The following ADAMTS12 variants were observed in gnomAD, a reference collection of about 807,000 sequenced individuals.
The protein encoded by ADAMTS12 is ADAM metallopeptidase with thrombospondin type 1 motif 12.
Under a neutral mutation model 167.8 loss-of-function variants are expected in ADAMTS12, and 118 were observed. The ratio of observed to expected loss-of-function variants is 0.70; its 90% CI spans 0.61 to 0.82. ADAMTS12 has a LOEUF of 0.82. Among genes scored for constraint, ADAMTS12 ranks in the 40% least tolerant of loss-of-function variants. ADAMTS12 has a pLI of 0.00. For synonymous variants in ADAMTS12, 704 were observed against 716.9 expected, an observed-to-expected ratio of 0.98 and a Z score of 0.29; for missense variants, 1,916 against 1,998.8, an observed-to-expected ratio of 0.96 and a Z score of 0.79.
In ADAMTS12 at chr5:33,549,381, G is replaced by A; in HGVS notation, c.4128C>T (p.Cys1376=). Reference sequence around the variant, plus strand: ...TGAAGCCCCCACTGCAGTTTCTGGAGCACTGTATGGAGAGAAAAATCAAAG... The same window carrying A: ...TGAAGCCCCCACTGCAGTTTCTGGAACACTGTATGGAGAGAAAAATCAAAG... ...AGWKVGNWSK[C]SRNCSGGFKI... is the part of the protein sequence containing the mutation. Residue 1376 remains cysteine, a splice_region_variant and synonymous_variant, in exon 21 of 24, where the codon TGC becomes TGT. Transcript: ENST00000504830. 1 of 1,612,040 alleles carries A rather than the reference G, an allele frequency of 6.2e-7. No homozygotes were observed. Among genetic ancestry groups the A allele is most frequent in the Non-Finnish European group, 8.5e-7 (1 of 1,178,270 alleles).
intron 3 of ADAMTS12, among the ~76,000 whole-genome samples, chr5:33,733,185 T>C (rs369300663): frequency 1.5e-5 from 2 of 133,984 alleles, no homozygotes; most frequent in Admixed American, 1.6e-4. Context: ...AAAAAAAATA[T>C]ATGGTTATTA....
At chr5:33,707,697 T>C (rs1424318965) in intron 3 of ADAMTS12, among the ~76,000 whole-genome samples, 1 of 151,990 alleles carries the variant, frequency 6.6e-6, no homozygotes, top group Non-Finnish European at 1.5e-5. Context: ...AAACAAGCAA[T>C]AGGGAAAGGA....
At chr5:33,717,163 A>T (rs372720319) in intron 3 of ADAMTS12, among the ~76,000 whole-genome samples, 2 of 151,030 alleles carry the variant, frequency 1.3e-5, no homozygotes, top group East Asian at 3.9e-4. Flanking sequence ...CACAGGAGAG[A>T]GGTGTGGGGC....
At chr5:33,737,171 C>T (rs997652224) in intron 3 of ADAMTS12, among the ~76,000 whole-genome samples, 1 of 152,146 alleles carries the variant, frequency 6.6e-6, no homozygotes, top group African/African-American at 2.4e-5. Flanking sequence ...CCATCTTTTA[C>T]AAAAGGGCAT....
Position 33,812,117 on chromosome 5 carries a change from T to C in ADAMTS12, c.490-60569A>G, listed in dbSNP as rs1747484768. On this transcript the variant is annotated intron_variant, in intron 2 of 23. Coordinates refer to ENST00000504830, the MANE Select transcript of ADAMTS12 (RefSeq NM_030955.4). ...CCTGGGCAATAAAGAAAGACCTCGT[T>C]TCTACAAATTAAAAAAACAAAAATA... 2.0e-5 allele frequency among the ~76,000 whole-genome samples: 3 copies of C among 152,046 alleles called. No homozygotes were observed. The South Asian group carries it at 6.2e-4, about 32-fold the overall frequency.
chr5:33,690,714 TTA>T (rs1186423175), intron 3 of ADAMTS12, among the ~76,000 whole-genome samples: 1 of 152,020 alleles, frequency 6.6e-6, no homozygotes. Context: ...CCATTGTTAT[TTA>T]TATGTTTATA....
At chr5:33,566,948 T>C (rs979557883) in intron 19 of ADAMTS12, among the ~76,000 whole-genome samples, 20 of 152,184 alleles carry the variant, frequency 1.3e-4, no homozygotes, top group Non-Finnish European at 2.6e-4. Context: ...GATGGGAAGA[T>C]GGTAGAGCCA....
chr5:33,830,568 C>T (rs1299381641), intron 2 of ADAMTS12, among the ~76,000 whole-genome samples: 3 of 152,076 alleles, frequency 2.0e-5, no homozygotes, highest in South Asian at 2.1e-4. Flanking sequence ...GCTGGAGGAT[C>T]GCTTGAGCTC....
chr5:33,704,187 G>T (rs1000381726), intron 3 of ADAMTS12, among the ~76,000 whole-genome samples: 2 of 152,008 alleles, frequency 1.3e-5, no homozygotes, highest in African/African-American at 2.4e-5. Context: ...TTGTAATTTT[G>T]TCTTTTGACA....
chr5:33,687,674 G>A (rs6859145), intron 3 of ADAMTS12, among the ~76,000 whole-genome samples: 27,745 of 152,198 alleles, frequency 0.18, 2,990 homozygotes, highest in South Asian at 0.44. Flanking sequence ...CTTTGCGGAA[G>A]TGGTAAGATC....
At chr5:33,648,717 T>C in intron 9 of ADAMTS12, 105 bp downstream of exon 9, 1 of 1,393,150 alleles carries the variant, frequency 7.2e-7, no homozygotes, top group South Asian at 1.3e-5. Context: ...AAAGCTTCTA[T>C]TTCTGTGTCT....
chr5:33,679,281 T>C (rs979847277), intron 5 of ADAMTS12, among the ~76,000 whole-genome samples: 4 of 152,254 alleles, frequency 2.6e-5, no homozygotes. Context: ...ATTTCCTTCC[T>C]GTATTAGTCC....
chr5:33,534,834 G>A lies in ADAMTS12; in HGVS notation c.4605C>T (p.Ala1535=), dbSNP rs774105181. 3.5e-5 allele frequency: 57 copies of A among 1,611,388 alleles called. No individual in the cohort carries two copies. Among genetic ancestry groups the A allele is most frequent in the East Asian group, 4.5e-5 (2 of 44,828 alleles). Residue 1535 remains alanine (A), a splice_region_variant and synonymous_variant, in exon 23 of 24, where the codon GCC becomes GCT. Transcript: ENST00000504830. ...KCNQQACKKS[A]DLLCTKDKLS... Reference sequence around the variant, plus strand: ...CCCCGAGCAAACCCATTCACCCACCGGCACTTTTCTTGCAGGCCTGCTGGT... The same window carrying A: ...CCCCGAGCAAACCCATTCACCCACCAGCACTTTTCTTGCAGGCCTGCTGGT...
intron 12 of ADAMTS12, among the ~76,000 whole-genome samples, chr5:33,634,982 C>T (rs927323631): frequency 1.3e-5 from 2 of 152,080 alleles, no homozygotes; most frequent in African/African-American, 2.4e-5. Context: ...CCGCCCCACC[C>T]TCCTGACTAG....
chr5:33,615,389 T>C lies in ADAMTS12; in HGVS notation c.2388+439A>G, dbSNP rs116392600. Among the ~76,000 whole-genome samples, 1,082 of 152,324 alleles carry C rather than the reference T, an allele frequency of 7.1e-3. 6 individuals carry two copies. The highest frequency in any genetic ancestry group is 0.01 in the Non-Finnish European group (699 of 68,026). On this transcript the variant is annotated intron_variant, in intron 15 of 23. Coordinates refer to ENST00000504830, the MANE Select transcript of ADAMTS12 (RefSeq NM_030955.4). Reference sequence around the variant, plus strand: ...CTGTGCCCAATATGAAAGATAAATTTCTTGGACCTTTGAAGAGCACATGTT... The same window carrying C: ...CTGTGCCCAATATGAAAGATAAATTCCTTGGACCTTTGAAGAGCACATGTT...
intron 20 of ADAMTS12, among the ~76,000 whole-genome samples, chr5:33,555,658 A>G (rs1441198939): frequency 1.3e-5 from 2 of 152,226 alleles, no homozygotes; most frequent in Non-Finnish European, 2.9e-5. Context: ...TTAAAATGAC[A>G]TAATCCCCCA....
At chr5:33,849,241 C>A (rs1329840300) in intron 2 of ADAMTS12, among the ~76,000 whole-genome samples, 13 of 85,248 alleles carry the variant, frequency 1.5e-4, no homozygotes, top group African/African-American at 4.4e-4. Context: ...ATATGTATTG[C>A]ATAGCAATAT....
rs142764511 is a variant in ADAMTS12 at position 33,626,247 on chromosome 5, TG to T, written c.2023-1897del. On this transcript the variant is annotated intron_variant, in intron 13 of 23. Coordinates refer to ENST00000504830, the MANE Select transcript of ADAMTS12 (RefSeq NM_030955.4). ...TGGCGATGGTGATGGACAATAATGG[TG>T]GGGGGCAGGATGGTGGTAGTGGTGG... Among the ~76,000 whole-genome samples the T allele has an allele frequency of 6.9e-4, 101 of 147,094 alleles. No individual in the cohort carries two copies. In the East Asian group the frequency reaches 0.011, roughly 15 times the overall value.
intron 9 of ADAMTS12, among the ~76,000 whole-genome samples, chr5:33,643,907 C>T (rs1740566456): frequency 6.6e-6 from 1 of 152,238 alleles, no homozygotes; most frequent in African/African-American, 2.4e-5. Context: ...ACTCTTCCAT[C>T]TAGAAAGCCT....
Sources: gnomAD v4.1 joint callset for allele counts (sites outside exome capture counted in the v4.1 genomes callset) on GRCh38, gnomAD v4.1.1 for gene constraint, MANE v1.5 for transcripts, NCBI Gene and HGNC (gene_info 2026-07-23, HGNC 2026-07-21) for gene names.